Variants in VPS13B observed in about 807,000 individuals in gnomAD.
The protein encoded by VPS13B is intermembrane lipid transfer protein VPS13B.
VPS13B carries 285 observed loss-of-function variants against 426.4 expected under a neutral mutation model. That is an observed-to-expected ratio of 0.67 (90% confidence interval 0.61 to 0.74). VPS13B has a LOEUF of 0.74. VPS13B is among the 30% of genes least tolerant of loss of function. The pLI, the probability that VPS13B is intolerant of heterozygous loss-of-function variation, is 0.00. For missense variants in VPS13B, 4,537 were observed against 4,782.6 expected, an observed-to-expected ratio of 0.95 and a Z score of 1.51; for synonymous variants, 1,676 against 1,676.4, an observed-to-expected ratio of 1.00 and a Z score of 0.01.
chr8:99,048,590 G>A (rs1014346874), intron 3 of VPS13B, among the ~76,000 whole-genome samples: 4 of 152,044 alleles, frequency 2.6e-5, no homozygotes, highest in East Asian at 1.9e-4. Context: ...CGAGACGGGC[G>A]GATTACCAGT....
intron 19 of VPS13B, among the ~76,000 whole-genome samples, chr8:99,286,837 G>T (rs1819468212): frequency 6.6e-6 from 1 of 152,062 alleles, no homozygotes; most frequent in Non-Finnish European, 1.5e-5. Context: ...AGTGCATGGT[G>T]GGAAAATTAA....
At chr8:99,861,284 ATTTTC>A (rs1412799845) in intron 57 of VPS13B, among the ~76,000 whole-genome samples, 1 of 151,714 alleles carries the variant, frequency 6.6e-6, no homozygotes, top group African/African-American at 2.4e-5. Context: ...TCTTTACCTC[ATTTTC>A]TTTTTCATTT....
chr8:99,033,340 C>T (rs1842604941), intron 2 of VPS13B, among the ~76,000 whole-genome samples: 1 of 152,134 alleles, frequency 6.6e-6, no homozygotes, highest in East Asian at 1.9e-4. Flanking sequence ...TTTCCTTGTA[C>T]CTGAAAAATT....
At chr8:99,722,631 C>T (rs77451170) in intron 39 of VPS13B, among the ~76,000 whole-genome samples, 6,297 of 151,908 alleles carry the variant, frequency 0.041, 143 homozygotes, top group East Asian at 0.056. Context: ...CTCAGCCTCC[C>T]GAGTAGATGG....
intron 43 of VPS13B, among the ~76,000 whole-genome samples, chr8:99,797,303 G>T (rs1460082362): frequency 6.6e-6 from 1 of 151,384 alleles, no homozygotes; most frequent in Non-Finnish European, 1.5e-5. Flanking sequence ...GCAGTGGCAC[G>T]TCCACAGCTC....
chr8:99,868,436 CT>C lies in VPS13B; in HGVS notation c.11364del (p.Ala3789LeufsTer64), dbSNP rs1485428182. 5.6e-6 allele frequency: 9 copies of C among 1,613,502 alleles called. No individual in the cohort carries two copies. The highest frequency in any genetic ancestry group is 1.7e-4 in the Middle Eastern group (1 of 6,028). On this transcript the variant is annotated frameshift_variant, in exon 59 of 62. Transcript: ENST00000357162. LOFTEE classifies it high-confidence loss of function. ...GTGTTCACAAAGCCCATCGGAGGAG[CT>C]GCTGAGCTGGTGTCACAGACTGGCT... ...MGVFTKPIGG[A>X]AELVSQTGYG...
Position 99,642,079 on chromosome 8 carries a change from C to T in VPS13B, c.5489C>T (p.Ala1830Val). The change falls in exon 34 of 62, where the codon GCC becomes GTC. Residue 1830 changes from alanine to valine, a missense_variant. Ala to Val is a moderately conservative substitution (Grantham distance 64). Transcript: ENST00000357162. ...TCACTAATGACCTATTCCTGTATGG[C>T]CTTATCCAAATCGAAATCACAAGAA... is the stretch of plus-strand genomic sequence containing the variant. The part of the protein sequence containing the change: ...RISLMTYSCM[A>V]LSKSKSQEQK... 1.9e-6 allele frequency: 3 copies of T among 1,614,068 alleles called. No individual in the cohort carries two copies. The highest frequency in any genetic ancestry group is 2.5e-6 in the Non-Finnish European group (3 of 1,180,000).
chr8:99,261,092 T>A (rs1298500840), intron 17 of VPS13B, among the ~76,000 whole-genome samples: 1 of 152,100 alleles, frequency 6.6e-6, no homozygotes, highest in Non-Finnish European at 1.5e-5. Context: ...ATCAGAGTGA[T>A]ACATTTGTTA....
chr8:99,223,214 C>G (rs957933816), intron 17 of VPS13B, among the ~76,000 whole-genome samples: 1 of 151,752 alleles, frequency 6.6e-6, no homozygotes, highest in African/African-American at 2.4e-5. Context: ...AAAATATATC[C>G]CACATATTTA....
intron 34 of VPS13B, among the ~76,000 whole-genome samples, chr8:99,654,275 C>T (rs1021558661): frequency 6.6e-6 from 1 of 151,902 alleles, no homozygotes; most frequent in Non-Finnish European, 1.5e-5. Flanking sequence ...ATCTCGATCT[C>T]CTGACCTTGT....
At chr8:99,644,786 T>A (rs1247622598) in intron 34 of VPS13B, among the ~76,000 whole-genome samples, 4 of 152,192 alleles carry the variant, frequency 2.6e-5, no homozygotes, top group Admixed American at 6.5e-5. Context: ...GAAATTTTTT[T>A]CAGAAGACCC....
chr8:99,250,664 C>CTTTTTTTTTTTTTTT lies in VPS13B; in HGVS notation c.2516-23510_2516-23496dup, dbSNP rs60698750. The stretch of plus-strand genomic sequence containing the variant: ...CTGTCCACTAATCCGTGTGTTTATT[C>CTTTTTTTTTTTTTTT]TTTTTTTTTTTTTTTTTTTTTTTTT... On this transcript the variant is annotated intron_variant, in intron 17 of 61. Coordinates refer to ENST00000357162, the MANE Select transcript of VPS13B (RefSeq NM_152564.5). Among the ~76,000 whole-genome samples the CTTTTTTTTTTTTTTT allele has an allele frequency of 2.0e-4, 7 of 35,770 alleles. 3 individuals carry two copies. Among genetic ancestry groups the CTTTTTTTTTTTTTTT allele is most frequent in the Admixed American group, 9.6e-4 (2 of 2,088 alleles). 23.5% of individuals were successfully genotyped at this position (35,770 alleles called of 152,430 possible). A position where few individuals can be genotyped will look rare whatever the true frequency, so the allele number is the denominator to read the frequency against.
chr8:99,864,897 C>T (rs1262884524), intron 58 of VPS13B, among the ~76,000 whole-genome samples: 1 of 152,220 alleles, frequency 6.6e-6, no homozygotes, highest in African/African-American at 2.4e-5. Context: ...TGTGGGGAGA[C>T]TGAACAATTG....
At chr8:99,350,658 T>G (rs1243341131) in intron 19 of VPS13B, among the ~76,000 whole-genome samples, 1 of 152,132 alleles carries the variant, frequency 6.6e-6, no homozygotes, top group Non-Finnish European at 1.5e-5. Flanking sequence ...AATAAAAAAT[T>G]TAAAGTAATT....
chr8:99,574,202 T>C (rs1454333071), intron 31 of VPS13B, among the ~76,000 whole-genome samples: 1 of 152,190 alleles, frequency 6.6e-6, no homozygotes, highest in African/African-American at 2.4e-5. Context: ...AATTTTGGGC[T>C]GAGAGGATGG....
intron 2 of VPS13B, among the ~76,000 whole-genome samples, chr8:99,034,392 A>G (rs1842647348): frequency 6.7e-6 from 1 of 149,370 alleles, no homozygotes; most frequent in Non-Finnish European, 1.5e-5. Flanking sequence ...TAATACTTTC[A>G]AAGTCAGGAG....
At chr8:99,577,044 C>T (rs942033359) in intron 32 of VPS13B, among the ~76,000 whole-genome samples, 2 of 152,074 alleles carry the variant, frequency 1.3e-5, no homozygotes, top group Non-Finnish European at 2.9e-5. Flanking sequence ...GCAGGTTGCC[C>T]TTCAAGGCCG....
At chr8:99,029,079 A>T (rs1842348470) in intron 2 of VPS13B, among the ~76,000 whole-genome samples, 1 of 137,868 alleles carries the variant, frequency 7.3e-6, no homozygotes. Flanking sequence ...CCGGGCAGAG[A>T]CGCTCCTCAC....
intron 15 of VPS13B, among the ~76,000 whole-genome samples, chr8:99,157,077 TG>T (rs1811403242): frequency 6.6e-6 from 1 of 152,176 alleles, no homozygotes; most frequent in Non-Finnish European, 1.5e-5. Flanking sequence ...TGAAGACTCA[TG>T]TTTTTTTGAA....
Sources: allele counts gnomAD v4.1 joint callset (sites outside exome capture counted in the v4.1 genomes callset), GRCh38; gene constraint gnomAD v4.1.1; transcripts MANE v1.5; gene names NCBI Gene and HGNC (gene_info 2026-07-23, HGNC 2026-07-21).